Variants in SGCG observed in about 807,000 individuals in gnomAD.
SGCG encodes gamma-sarcoglycan.
In SGCG, 26 loss-of-function variants were observed where a neutral mutation model predicts 29.3. That is an observed-to-expected ratio of 0.89 (90% confidence interval 0.65 to 1.23). The LOEUF is 1.23. Among genes scored for constraint, SGCG ranks in the 50% most tolerant of loss-of-function variants. The pLI is 0.00. For missense variants in SGCG, 353 were observed against 356.0 expected, an observed-to-expected ratio of 0.99 and a Z score of 0.07; for synonymous variants, 145 against 129.7, an observed-to-expected ratio of 1.12 and a Z score of -0.80.
rs1883170545 is a variant in SGCG at position 23,324,687 on chromosome 13, A to G, written c.*146A>G. The G allele has an allele frequency of 5.5e-6, 4 of 729,664 alleles. No individual in the cohort carries two copies. In the Admixed American group the frequency reaches 8.7e-5, roughly 16 times the overall value. The allele number at this position is 729,664 out of a possible 1,614,324, so 45.2% of individuals were successfully genotyped here. ...ACTCAGAAAAAATTATGTGCCAGTG[A>G]AAGTGTTTGGACAAAAACTACATGA... On this transcript the variant is annotated 3_prime_UTR_variant, in exon 8 of 8. Coordinates refer to ENST00000218867, the MANE Select transcript of SGCG (RefSeq NM_000231.3).
At chr13:23,236,361 A>G (rs1258596588) in intron 3 of SGCG, among the ~76,000 whole-genome samples, 2 of 152,110 alleles carry the variant, frequency 1.3e-5, no homozygotes, top group African/African-American at 4.8e-5. Flanking sequence ...GTCACAGCAA[A>G]TTTAATATTC....
chr13:23,237,066 A>G (rs1243619268), intron 3 of SGCG, among the ~76,000 whole-genome samples: 1 of 152,194 alleles, frequency 6.6e-6, no homozygotes, highest in Non-Finnish European at 1.5e-5. Context: ...GCAAAATTTG[A>G]CACATAACTC....
At chr13:23,288,447 C>T (rs888765122) in intron 5 of SGCG, among the ~76,000 whole-genome samples, 8 of 152,066 alleles carry the variant, frequency 5.3e-5, no homozygotes, top group Non-Finnish European at 1.0e-4. Context: ...AAGACAATTG[C>T]TGTTGCTATT....
intron 1 of SGCG, 45 bp from the exon 2 acceptor site, chr13:23,203,648 CCT>C (rs1361572090): frequency 6.9e-7 from 1 of 1,452,366 alleles, no homozygotes; most frequent in Non-Finnish European, 9.5e-7. Flanking sequence ...TCCCTCATTC[CCT>C]CTCTGTCTCT....
chr13:23,243,382 G>A (rs192313683), intron 3 of SGCG: 93 of 152,398 alleles, frequency 6.1e-4, no homozygotes, highest in African/African-American at 2.0e-3. Flanking sequence ...TTTTTCACAA[G>A]GAATGCAAAA....
intron 1 of SGCG, among the ~76,000 whole-genome samples, chr13:23,191,270 A>G (rs186130261): frequency 8.5e-4 from 116 of 135,796 alleles, no homozygotes; most frequent in African/African-American, 3.4e-3. Context: ...AACTATGAAT[A>G]AATCTTCTAC....
At chr13:23,196,394 T>G (rs538366813) in intron 1 of SGCG, among the ~76,000 whole-genome samples, 148 of 152,280 alleles carry the variant, frequency 9.7e-4, no homozygotes, top group Non-Finnish European at 1.9e-3. Flanking sequence ...ATTGTTAACT[T>G]TCACTTTCTT....
chr13:23,260,609 G>A (rs138401218), intron 4 of SGCG, among the ~76,000 whole-genome samples: 1 of 152,042 alleles, frequency 6.6e-6, no homozygotes, highest in Non-Finnish European at 1.5e-5. Flanking sequence ...TGGTTATTTT[G>A]CCCATTAGTT....
At chr13:23,192,627 CT>C in intron 1 of SGCG, among the ~76,000 whole-genome samples, 1 of 151,992 alleles carries the variant, frequency 6.6e-6, no homozygotes, top group East Asian at 1.9e-4. Flanking sequence ...AACTCCTGAC[CT>C]CAGGTGATCC....
chr13:23,311,078 C>T (rs73441090), intron 6 of SGCG, among the ~76,000 whole-genome samples: 5,033 of 152,172 alleles, frequency 0.033, 277 homozygotes, highest in African/African-American at 0.11. Context: ...TACATTTGTT[C>T]CCTGTGTCTG....
chr13:23,280,464 C>A (rs1238744075), intron 5 of SGCG, among the ~76,000 whole-genome samples: 1 of 152,154 alleles, frequency 6.6e-6, no homozygotes. Context: ...CCCTAACAAA[C>A]TATAAAGATC....
At chr13:23,238,354 G>C (rs1388592207) in intron 3 of SGCG, among the ~76,000 whole-genome samples, 1 of 152,126 alleles carries the variant, frequency 6.6e-6, no homozygotes, top group Admixed American at 6.5e-5. Flanking sequence ...CCCCCACCAA[G>C]TCTATGGATA....
intron 4 of SGCG, among the ~76,000 whole-genome samples, chr13:23,251,818 TG>T (rs1380774800): frequency 6.6e-6 from 1 of 152,200 alleles, no homozygotes; most frequent in Non-Finnish European, 1.5e-5. Flanking sequence ...TCTAGGAAAC[TG>T]GATGGCCCTT....
At chr13:23,206,849 A>G (rs1163086950) in intron 2 of SGCG, among the ~76,000 whole-genome samples, 1 of 152,250 alleles carries the variant, frequency 6.6e-6, no homozygotes, top group Non-Finnish European at 1.5e-5. Context: ...TCCCATGTTC[A>G]TCAATTGCAA....
At chr13:23,254,834 A>T (rs891569221) in intron 4 of SGCG, among the ~76,000 whole-genome samples, 2 of 152,102 alleles carry the variant, frequency 1.3e-5, no homozygotes, top group Admixed American at 6.5e-5. Flanking sequence ...CCCAGATACT[A>T]CTCAGGCCAT....
At chr13:23,275,033 A>G (rs1458532892) in intron 4 of SGCG, among the ~76,000 whole-genome samples, 2 of 151,062 alleles carry the variant, frequency 1.3e-5, no homozygotes, top group East Asian at 3.9e-4. Context: ...TTGTTAAATA[A>G]ATGAAGAGAG....
chr13:23,163,159 TACAGGG>T, the SGCG span, among the ~76,000 whole-genome samples: 2 of 152,206 alleles, frequency 1.3e-5, no homozygotes, highest in Non-Finnish European at 2.9e-5. Context: ...ATGTTTTCTA[TACAGGG>T]ATCCCTGGTT....
chr13:23,211,843 C>T (rs528187680), intron 2 of SGCG, among the ~76,000 whole-genome samples: 25 of 152,140 alleles, frequency 1.6e-4, no homozygotes, highest in Non-Finnish European at 2.9e-4. Flanking sequence ...CAGGCACACA[C>T]GTACAGTCAC....
At chr13:23,232,727 A>G (rs1261137868) in intron 2 of SGCG, among the ~76,000 whole-genome samples, 1 of 152,196 alleles carries the variant, frequency 6.6e-6, no homozygotes, top group Non-Finnish European at 1.5e-5. Flanking sequence ...GCTTGCAGTG[A>G]GCTGAGATCA....
Sources: allele counts gnomAD v4.1 joint callset (sites outside exome capture counted in the v4.1 genomes callset), GRCh38; gene constraint gnomAD v4.1.1; transcripts MANE v1.5; gene names NCBI Gene and HGNC (gene_info 2026-07-23, HGNC 2026-07-21).